The following ALK variants were observed in gnomAD, a reference collection of about 807,000 sequenced individuals.
ALK encodes ALK tyrosine kinase receptor.
ALK carries 74 observed loss-of-function variants against 163.1 expected under a neutral mutation model. The ratio of observed to expected loss-of-function variants is 0.45; its 90% confidence interval spans 0.38 to 0.55. The LOEUF (loss-of-function observed/expected upper bound fraction) is 0.55, where lower values mean the gene tolerates loss of function less well. Ranked by LOEUF, ALK falls within the 20% of genes least tolerant of loss-of-function variation. The probability of loss-of-function intolerance (pLI) is 0.00; values close to 1 mark genes in which losing one functional copy is unlikely to be tolerated. For missense variants in ALK, 2,063 were observed against 2,105.3 expected, an observed-to-expected ratio of 0.98 and a Z score of 0.39; for synonymous variants, 960 against 843.2, an observed-to-expected ratio of 1.14 and a Z score of -2.40.
At chr2:29,412,718 G>C (rs151337899) in intron 4 of ALK, among the ~76,000 whole-genome samples, 2 of 152,126 alleles carry the variant, frequency 1.3e-5, no homozygotes, top group African/African-American at 4.8e-5. Context: ...AATGATTCTT[G>C]AATAATTTAA....
intron 4 of ALK, among the ~76,000 whole-genome samples, chr2:29,444,930 T>C (rs959079828): frequency 6.6e-6 from 1 of 152,150 alleles, no homozygotes; most frequent in Non-Finnish European, 1.5e-5. Context: ...TCTTAGAGCA[T>C]CAGTTTGGGC....
chr2:29,736,927 CAG>C (rs1485166840), intron 1 of ALK, among the ~76,000 whole-genome samples: 1 of 151,992 alleles, frequency 6.6e-6, no homozygotes, highest in African/African-American at 2.4e-5. Flanking sequence ...AGGGAAGTAA[CAG>C]AGAATGGGCA....
chr2:29,862,595 T>C (rs973113681), intron 1 of ALK, among the ~76,000 whole-genome samples: 1 of 152,116 alleles, frequency 6.6e-6, no homozygotes, highest in Non-Finnish European at 1.5e-5. Context: ...CTGAAAATTA[T>C]AAAACATTGA....
At chr2:29,532,438 T>C (rs1573435245) in intron 3 of ALK, among the ~76,000 whole-genome samples, 1 of 152,368 alleles carries the variant, frequency 6.6e-6, no homozygotes, top group Admixed American at 6.5e-5. Flanking sequence ...AAAACATCTA[T>C]TTCAAAAGAC....
At chr2:29,475,069 C>G (rs966053430) in intron 4 of ALK, among the ~76,000 whole-genome samples, 1 of 152,176 alleles carries the variant, frequency 6.6e-6, no homozygotes, top group Non-Finnish European at 1.5e-5. Context: ...ATCTCCTCCA[C>G]TCACTCATCT....
intron 3 of ALK, among the ~76,000 whole-genome samples, chr2:29,540,580 GT>G (rs369817314): frequency 0.13 from 9,969 of 74,556 alleles, 763 homozygotes; most frequent in African/African-American, 0.29. Flanking sequence ...GAAGAATTAT[GT>G]TTTTTTTTTT....
chr2:29,552,328 T>G (rs1051287516), intron 3 of ALK, among the ~76,000 whole-genome samples: 1 of 152,198 alleles, frequency 6.6e-6, no homozygotes. Context: ...ACAAGTATGT[T>G]TGAGTCTCTG....
intron 1 of ALK, among the ~76,000 whole-genome samples, chr2:29,878,125 T>C (rs1417325484): frequency 2.0e-5 from 3 of 152,184 alleles, no homozygotes; most frequent in Non-Finnish European, 2.9e-5. Context: ...TTTTGTTGGA[T>C]TGCAGGATCA....
chr2:29,783,665 T>A (rs572239371), intron 1 of ALK, among the ~76,000 whole-genome samples: 1 of 151,836 alleles, frequency 6.6e-6, no homozygotes, highest in East Asian at 1.9e-4. Context: ...AGGAGAGGAG[T>A]TGGTTTAGCT....
chr2:29,889,490 T>G (rs1343485625), intron 1 of ALK, among the ~76,000 whole-genome samples: 1 of 151,898 alleles, frequency 6.6e-6, no homozygotes, highest in East Asian at 1.9e-4. Flanking sequence ...AATGACTTTT[T>G]CCTTTAAATA....
chr2:29,608,571 C>A (rs1675602188), intron 3 of ALK, among the ~76,000 whole-genome samples: 1 of 152,212 alleles, frequency 6.6e-6, no homozygotes, highest in Non-Finnish European at 1.5e-5. Context: ...CTGTAATGAA[C>A]CGTGTGGACA....
intron 1 of ALK, among the ~76,000 whole-genome samples, chr2:29,862,118 G>A (rs1197705038): frequency 6.6e-6 from 1 of 152,024 alleles, no homozygotes; most frequent in Non-Finnish European, 1.5e-5. Context: ...TAGAAGGAAT[G>A]TACCTCAACA....
rs1558550140 is a variant in ALK, at chr2:29,920,517, C to T, written c.143G>A (p.Arg48His). The change falls in exon 1 of 29, where the codon CGC becomes CAC. Residue 48 changes from arginine to histidine, a missense_variant. Physicochemically the swap from Arg to His is conservative, Grantham distance 29 (BLOSUM62 0). Transcript: ENST00000389048. ...LQPREPLSYS[R>H]LQRKSLAVDF... ...AACTGCCAGACTCTTCCTCTGCAGG[C>T]GCGAGTAGCTGAGTGGCTCCCGGGG... The T allele has an allele frequency of 1.2e-6, 2 of 1,612,320 alleles. No individual in the cohort carries two copies. Among genetic ancestry groups the T allele is most frequent in the Non-Finnish European group, 1.7e-6 (2 of 1,179,550 alleles).
intron 1 of ALK, chr2:29,890,438 C>G (rs186642585): frequency 3.9e-5 from 6 of 152,152 alleles, no homozygotes; most frequent in African/African-American, 1.4e-4. Flanking sequence ...AGGTTATAGG[C>G]GTGATATTCT....
At chr2:29,670,421 T>A (rs906622102) in intron 3 of ALK, among the ~76,000 whole-genome samples, 12 of 152,052 alleles carry the variant, frequency 7.9e-5, no homozygotes, top group African/African-American at 2.9e-4. Context: ...TTATTTCAGT[T>A]TTTTTTCTTG....
intron 1 of ALK, among the ~76,000 whole-genome samples, chr2:29,871,667 A>G (rs766195751): frequency 2.6e-5 from 4 of 152,222 alleles, no homozygotes; most frequent in Non-Finnish European, 4.4e-5. Context: ...TGGACACTCT[A>G]CAGTGGTTGC....
chr2:29,731,590 G>A (rs1230055551), intron 1 of ALK, among the ~76,000 whole-genome samples: 9 of 152,166 alleles, frequency 5.9e-5, no homozygotes, highest in Middle Eastern at 3.2e-3. Context: ...TAAACCTTCC[G>A]GCCTGCTGAA....
At chr2:29,616,438 A>G (rs1350542632) in intron 3 of ALK, among the ~76,000 whole-genome samples, 2 of 152,236 alleles carry the variant, frequency 1.3e-5, no homozygotes, top group Non-Finnish European at 2.9e-5. Flanking sequence ...TAGAGCTCAC[A>G]GTGGCAAGAG....
At chr2:29,837,510 A>G (rs544521432) in intron 1 of ALK, among the ~76,000 whole-genome samples, 1 of 152,354 alleles carries the variant, frequency 6.6e-6, no homozygotes, top group Admixed American at 6.5e-5. Flanking sequence ...AATTGCTCCC[A>G]TAACTGCAAG....
Sources: allele counts gnomAD v4.1 joint callset (sites outside exome capture counted in the v4.1 genomes callset), GRCh38; gene constraint gnomAD v4.1.1; transcripts MANE v1.5; gene names NCBI Gene and HGNC (gene_info 2026-07-23, HGNC 2026-07-21).